The following AGBL1 variants were observed in gnomAD, a reference collection of about 807,000 sequenced individuals.
The protein encoded by AGBL1 is cytosolic carboxypeptidase 4.
Under a neutral mutation model 118.9 loss-of-function variants are expected in AGBL1, and 130 were observed. That is an observed-to-expected ratio of 1.09 (90% CI 0.95 to 1.26). The LOEUF is 1.26. Ranked by LOEUF, AGBL1 falls within the 50% of genes most tolerant of loss-of-function variation. The pLI is 0.00. For missense variants in AGBL1, 1,584 were observed against 1,298.1 expected, an observed-to-expected ratio of 1.22 and a Z score of -3.38; for synonymous variants, 555 against 478.9, an observed-to-expected ratio of 1.16 and a Z score of -2.08.
At chr15:86,522,646 G>T (rs934038722) in intron 18 of AGBL1, among the ~76,000 whole-genome samples, 164 bp from the exon 19 acceptor site, 2 of 152,190 alleles carry the variant, frequency 1.3e-5, no homozygotes, top group Admixed American at 1.3e-4. Context: ...GAGCTTAAAG[G>T]ACAGATCTAC....
intron 22 of AGBL1, among the ~76,000 whole-genome samples, chr15:86,750,322 G>A (rs2077829775): frequency 6.6e-6 from 1 of 151,796 alleles, no homozygotes; most frequent in Admixed American, 6.6e-5. Context: ...GGTACAGATT[G>A]GTATTTCAAT....
At chr15:86,732,896 T>G (rs2077544509) in intron 22 of AGBL1, among the ~76,000 whole-genome samples, 1 of 150,818 alleles carries the variant, frequency 6.6e-6, no homozygotes, top group South Asian at 2.1e-4. Flanking sequence ...TAGCTATAGA[T>G]AAATCTACAA....
intron 22 of AGBL1, among the ~76,000 whole-genome samples, chr15:86,737,768 A>G (rs1373097802): frequency 6.6e-6 from 1 of 152,182 alleles, no homozygotes; most frequent in African/African-American, 2.4e-5. Flanking sequence ...TCAAGATCAC[A>G]TTTCACTTTA....
At chr15:86,590,049 T>G (rs2084310957) in intron 21 of AGBL1, among the ~76,000 whole-genome samples, 1 of 152,184 alleles carries the variant, frequency 6.6e-6, no homozygotes, top group Non-Finnish European at 1.5e-5. Flanking sequence ...GGAATCCAGT[T>G]TATTACTGTG....
chr15:86,386,480 T>C (rs2081197627), intron 17 of AGBL1, among the ~76,000 whole-genome samples: 1 of 150,972 alleles, frequency 6.6e-6, no homozygotes, highest in South Asian at 2.1e-4. Context: ...GAAAATTATA[T>C]GGAATGGAGC....
At chr15:86,264,165 A>C in intron 10 of AGBL1, 93 bp from the exon 11 acceptor site, 1 of 1,053,668 alleles carries the variant, frequency 9.5e-7, no homozygotes, top group Non-Finnish European at 1.4e-6. Flanking sequence ...ATTTATGCTT[A>C]GCTCTGTGCC....
intron 3 of AGBL1, among the ~76,000 whole-genome samples, chr15:86,153,857 G>A (rs1052577708): frequency 6.6e-6 from 1 of 152,044 alleles, no homozygotes; most frequent in Non-Finnish European, 1.5e-5. Context: ...GAAATTGCAG[G>A]TTAGCATTTT....
chr15:86,649,816 A>C (rs2085341391), intron 21 of AGBL1, among the ~76,000 whole-genome samples: 1 of 151,188 alleles, frequency 6.6e-6, no homozygotes, highest in African/African-American at 2.4e-5. Context: ...GGTGTTATAT[A>C]CAATTAATGA....
intron 18 of AGBL1, among the ~76,000 whole-genome samples, chr15:86,439,827 C>G (rs2082040187): frequency 6.6e-6 from 1 of 152,172 alleles, no homozygotes. Context: ...CTCAAACAGC[C>G]CACAGCAGAT....
At chr15:86,681,546 C>G (rs917813218) in intron 22 of AGBL1, among the ~76,000 whole-genome samples, 1 of 152,182 alleles carries the variant, frequency 6.6e-6, no homozygotes, top group Non-Finnish European at 1.5e-5. Context: ...GGATGTTTCA[C>G]CACCTCTAGG....
intron 9 of AGBL1, 63 bp downstream of exon 9, chr15:86,258,094 A>G (rs1442638740): frequency 1.3e-6 from 2 of 1,533,026 alleles, no homozygotes; most frequent in East Asian, 2.3e-5. Context: ...GAAAAATATT[A>G]CTTCCTGTGT....
intron 1 of AGBL1, among the ~76,000 whole-genome samples, chr15:86,113,253 T>TTTTCTTTTCTTTTCTTTTC (rs1555430689): frequency 6.8e-5 from 5 of 73,592 alleles, no homozygotes; most frequent in East Asian, 4.3e-4. Flanking sequence ...TTTTCTTTTC[T>TTTTCTTTTCTTTTCTTTTC]TTTCTTTCTT....
intron 17 of AGBL1, among the ~76,000 whole-genome samples, chr15:86,361,984 T>G (rs2080812692): frequency 6.6e-6 from 1 of 152,196 alleles, no homozygotes; most frequent in Admixed American, 6.5e-5. Flanking sequence ...TTGTTAATTG[T>G]TTTCCAACTG....
At chr15:86,879,473 G>A (rs4513060) in intron 22 of AGBL1, among the ~76,000 whole-genome samples, 14,886 of 152,116 alleles carry the variant, frequency 0.098, 952 homozygotes, top group Non-Finnish European at 0.14. Flanking sequence ...AGTCCAGGTT[G>A]CTCTTGGTCT....
At chr15:86,303,678 TCAG>T (rs2079791320) in intron 17 of AGBL1, among the ~76,000 whole-genome samples, 1 of 152,120 alleles carries the variant, frequency 6.6e-6, no homozygotes, top group South Asian at 2.1e-4. Context: ...ATTTTCTCAA[TCAG>T]CAAGGATATC....
At chr15:86,149,439 C>T (rs527821058) in intron 3 of AGBL1, among the ~76,000 whole-genome samples, 2 of 152,124 alleles carry the variant, frequency 1.3e-5, no homozygotes, top group East Asian at 1.9e-4. Context: ...GAAGATCTAC[C>T]AAGCAAATGG....
chr15:86,501,716 T>A (rs1411926867), intron 18 of AGBL1, among the ~76,000 whole-genome samples: 1 of 151,614 alleles, frequency 6.6e-6, no homozygotes, highest in Non-Finnish European at 1.5e-5. Flanking sequence ...TTTTTCCTCA[T>A]TAAATTGTCT....
chr15:86,339,287 T>G (rs1269196698), intron 17 of AGBL1, among the ~76,000 whole-genome samples: 2 of 152,204 alleles, frequency 1.3e-5, no homozygotes, highest in Non-Finnish European at 2.9e-5. Flanking sequence ...TTTTTCTTTA[T>G]TTTTCAAAAT....
At chr15:86,188,100 T>C (rs915838624) in intron 5 of AGBL1, among the ~76,000 whole-genome samples, 3 of 152,198 alleles carry the variant, frequency 2.0e-5, no homozygotes, top group African/African-American at 7.2e-5. Context: ...ATGGCATGAA[T>C]GTGTACACAG....
Sources: allele counts gnomAD v4.1 joint callset (sites outside exome capture counted in the v4.1 genomes callset), GRCh38; gene constraint gnomAD v4.1.1; transcripts MANE v1.5; gene names NCBI Gene and HGNC (gene_info 2026-07-23, HGNC 2026-07-21).